The following DEFB104A variants were observed in gnomAD, a reference collection of about 807,000 sequenced individuals.
DEFB104A encodes defensin beta 104A.
intron 1 of DEFB104A, among the ~76,000 whole-genome samples, chr8:7,839,220 T>G (rs866031976): frequency 0.066 from 9,258 of 140,766 alleles, 340 homozygotes; most frequent in African/African-American, 0.24. Flanking sequence ...TTAAAGGTTG[T>G]GTTCTCTTCC....
chr8:7,836,848 T>C (rs1817660104), intron 1 of DEFB104A, among the ~76,000 whole-genome samples: 1 of 141,564 alleles, frequency 7.1e-6, no homozygotes, highest in South Asian at 2.5e-4. Flanking sequence ...TCCTCAGCAA[T>C]GAGGACTCAC....
At chr8:7,839,595 G>C (rs1434003087) in intron 1 of DEFB104A, among the ~76,000 whole-genome samples, 1 of 72,740 alleles carries the variant, frequency 1.4e-5, no homozygotes, top group Non-Finnish European at 3.6e-5. Context: ...CCTGGACAAA[G>C]AACCTTGATA....
At chr8:7,839,355 A>G (rs1257957791) in intron 1 of DEFB104A, among the ~76,000 whole-genome samples, 1 of 145,474 alleles carries the variant, frequency 6.9e-6, no homozygotes, top group Non-Finnish European at 1.5e-5. Flanking sequence ...GAAGGCACAT[A>G]TCTGCTACTC....
At chr8:7,839,372 C>A (rs1341870611) in intron 1 of DEFB104A, among the ~76,000 whole-genome samples, 1 of 145,200 alleles carries the variant, frequency 6.9e-6, no homozygotes, top group Non-Finnish European at 1.5e-5. Flanking sequence ...ACTCAACCTC[C>A]ACATACTCCC....
rs1388118474 is a variant in DEFB104A at position 7,836,939 on chromosome 8, C to T, written c.58+397C>T. ...GAATAAGATGCCTTCCCCCATCCTC[C>T]TCCTTCTGAACAGCTTTACTCTGCA... On this transcript the variant is annotated intron_variant, in intron 1 of 1. Coordinates refer to ENST00000314265, the MANE Select transcript of DEFB104A (RefSeq NM_080389.3). Among the ~76,000 whole-genome samples the T allele has an allele frequency of 8.4e-5, 12 of 142,796 alleles. 1 individual carries two copies. The highest frequency in any genetic ancestry group is 3.1e-4 in the African/African-American group (12 of 38,142). The allele number at this position is 142,796 out of a possible 152,430, so 93.7% of individuals were successfully genotyped here.
intron 1 of DEFB104A, among the ~76,000 whole-genome samples, chr8:7,838,656 G>C (rs1485994359): frequency 2.1e-5 from 3 of 145,388 alleles, no homozygotes; most frequent in Non-Finnish European, 4.6e-5. Context: ...CTCTACCCTA[G>C]GCGACAGAGC....
chr8:7,838,079 C>T (rs1817682673), intron 1 of DEFB104A, among the ~76,000 whole-genome samples: 1 of 89,088 alleles, frequency 1.1e-5, no homozygotes, highest in Non-Finnish European at 2.1e-5. Flanking sequence ...TTACACTTTC[C>T]ATCATGAACA....
chr8:7,838,739 G>C (rs1817699075), intron 1 of DEFB104A, among the ~76,000 whole-genome samples: 1 of 141,518 alleles, frequency 7.1e-6, no homozygotes, highest in African/African-American at 2.5e-5. Context: ...CGTCTTGATT[G>C]ATGTATTATG....
intron 1 of DEFB104A, 146 bp downstream of exon 1, chr8:7,836,688 C>G (rs1817656501): frequency 1.6e-6 from 2 of 1,242,288 alleles, no homozygotes; most frequent in Non-Finnish European, 2.3e-6. Context: ...TTCATTGGGT[C>G]CATTAGTAAA....
At chr8:7,836,797 C>CT (rs1165243665) in intron 1 of DEFB104A, among the ~76,000 whole-genome samples, 1 of 143,894 alleles carries the variant, frequency 6.9e-6, no homozygotes, top group Non-Finnish European at 1.5e-5. Flanking sequence ...CCTAGATGTC[C>CT]TTGGCACCCT....
At chr8:7,838,769 A>C (rs1375513429) in intron 1 of DEFB104A, among the ~76,000 whole-genome samples, 1 of 141,570 alleles carries the variant, frequency 7.1e-6, no homozygotes, top group Non-Finnish European at 1.6e-5. Flanking sequence ...AATGTATAAA[A>C]CCAAGCAAGC....
intron 1 of DEFB104A, among the ~76,000 whole-genome samples, chr8:7,838,386 C>A: frequency 2.6e-5 from 3 of 113,706 alleles, no homozygotes; most frequent in Admixed American, 9.5e-5. Flanking sequence ...CTGGACCAAA[C>A]CAATGTAAAT....
rs975967836 is a variant in DEFB104A at position 7,839,002 on chromosome 8, A to G, written c.59-2032A>G. Among the ~76,000 whole-genome samples the G allele has an allele frequency of 1.4e-5, 2 of 142,840 alleles. 1 individual carries two copies. Among genetic ancestry groups the G allele is most frequent in the African/African-American group, 5.0e-5 (2 of 39,944 alleles). 93.7% of individuals were successfully genotyped at this position (142,840 alleles called of 152,430 possible). On this transcript the variant is annotated intron_variant, in intron 1 of 1. Coordinates refer to ENST00000314265, the MANE Select transcript of DEFB104A (RefSeq NM_080389.3). ...TGTATTTATTGCTTAGGAAATGTTT[A>G]TTACTCAGCCTTAGTGTATGGACTG... is the stretch of plus-strand genomic sequence containing the variant.
At chr8:7,838,703 A>AAC (rs1287278688) in intron 1 of DEFB104A, among the ~76,000 whole-genome samples, 34 of 1,820 alleles carry the variant, frequency 0.019, no homozygotes, top group East Asian at 0.059. Flanking sequence ...AAAACAAACA[A>AAC]AAAAAAAAAC....
intron 1 of DEFB104A, among the ~76,000 whole-genome samples, chr8:7,837,501 C>T (rs1817673012): frequency 7.1e-6 from 1 of 141,824 alleles, no homozygotes; most frequent in East Asian, 2.3e-4. Context: ...TAGGTTAACT[C>T]TTCCTTTTTC....
intron 1 of DEFB104A, among the ~76,000 whole-genome samples, chr8:7,837,520 C>T (rs1482581556): frequency 2.8e-5 from 4 of 141,032 alleles, no homozygotes; most frequent in Admixed American, 7.4e-5. Context: ...TCTTTCTTCC[C>T]GTGTCATTTC....
chr8:7,839,118 G>T (rs71242674), intron 1 of DEFB104A, among the ~76,000 whole-genome samples: 143 of 137,162 alleles, frequency 1.0e-3, no homozygotes, highest in Admixed American at 1.4e-3. Flanking sequence ...GCTGTGTGAC[G>T]TCAGATTAGT....
intron 1 of DEFB104A, among the ~76,000 whole-genome samples, chr8:7,838,960 T>C (rs1258272921): frequency 7.0e-6 from 1 of 142,108 alleles, no homozygotes; most frequent in Non-Finnish European, 1.6e-5. Flanking sequence ...ACTAGTGTAG[T>C]GTAGTCTACC....
At chr8:7,839,216 G>A (rs1380105970) in intron 1 of DEFB104A, among the ~76,000 whole-genome samples, 1 of 146,006 alleles carries the variant, frequency 6.8e-6, no homozygotes, top group Non-Finnish European at 1.5e-5. Flanking sequence ...CATTTTAAAG[G>A]TTGTGTTCTC....
Sources: allele counts gnomAD v4.1 joint callset (sites outside exome capture counted in the v4.1 genomes callset), GRCh38; gene constraint gnomAD v4.1.1; transcripts MANE v1.5; gene names NCBI Gene and HGNC (gene_info 2026-07-23, HGNC 2026-07-21).